MAST2: variants seen among roughly 807,000 people sequenced by gnomAD.
MAST2 encodes the protein microtubule associated serine/threonine kinase 2, also known as microtubule-associated serine/threonine-protein kinase 2.
MAST2 carries 70 observed loss-of-function variants against 147.4 expected under a neutral mutation model. That is an observed-to-expected ratio of 0.47 (90% confidence interval 0.39 to 0.58). The LOEUF (loss-of-function observed/expected upper bound fraction) is 0.58, where lower values mean the gene tolerates loss of function less well. Ranked by LOEUF, MAST2 falls within the 20% of genes least tolerant of loss-of-function variation. The probability of loss-of-function intolerance (pLI) is 0.00; values close to 1 mark genes in which losing one functional copy is unlikely to be tolerated. For synonymous variants in MAST2, 869 were observed against 896.8 expected, an observed-to-expected ratio of 0.97 and a Z score of 0.55; for missense variants, 2,080 against 2,302.3, an observed-to-expected ratio of 0.90 and a Z score of 1.98.
chr1:45,812,766 A>G (rs1365264345), intron 1 of MAST2, among the ~76,000 whole-genome samples: 1 of 152,152 alleles, frequency 6.6e-6, no homozygotes, highest in African/African-American at 2.4e-5. Flanking sequence ...TTTCATTTGG[A>G]TAGCTCAGAG....
rs563060824 is a variant in MAST2, at chr1:45,952,041, G to A, written c.501-7345G>A. 5.3e-5 allele frequency among the ~76,000 whole-genome samples: 8 copies of A among 152,164 alleles called. No homozygotes were observed. The South Asian group carries it at 6.2e-4, about 12-fold the overall frequency. On this transcript the variant is annotated intron_variant, in intron 4 of 28. Transcript: ENST00000361297. Reference sequence around the variant, plus strand: ...AGAGAATATCTTAAAGAACCCTCAAGAATTCACTAAAGTAAAAGAGCTCAG... The same window carrying A: ...AGAGAATATCTTAAAGAACCCTCAAAAATTCACTAAAGTAAAAGAGCTCAG...
At chr1:45,811,765 C>T (rs1301609313) in intron 1 of MAST2, among the ~76,000 whole-genome samples, 1 of 150,658 alleles carries the variant, frequency 6.6e-6, no homozygotes, top group Non-Finnish European at 1.5e-5. Context: ...TCCCGAATAG[C>T]TGGGACTACA....
At chr1:46,029,754 G>T (rs374776024) in intron 19 of MAST2, 77 bp from the exon 20 acceptor site, 1 of 1,560,526 alleles carries the variant, frequency 6.4e-7, no homozygotes. Flanking sequence ...CTGAAGGTCT[G>T]GCTTCTTGCT....
At chr1:45,946,365 A>G (rs966837484) in intron 4 of MAST2, among the ~76,000 whole-genome samples, 5 of 152,164 alleles carry the variant, frequency 3.3e-5, no homozygotes, top group Admixed American at 2.0e-4. Flanking sequence ...CCTGTCATGA[A>G]GGGAACTTGC....
At position 46,022,938 on chromosome 1, in the gene MAST2, T is replaced by C. The variant is rs202053891; in HGVS notation, c.1452T>C (p.Ser484=). The change falls in exon 13 of 29, where the codon AGT becomes AGC. Residue 484 remains serine (S), a synonymous_variant. Transcript: ENST00000361297. ...EEMAQLSSCD[S]PDTPETDDSI... ...TGGCCCAGTTGAGCAGCTGTGACAG[T>C]CCTGACACTCCAGAGACAGATGATT... 3.0e-5 allele frequency: 48 copies of C among 1,614,072 alleles called. No individual in the cohort carries two copies. Among genetic ancestry groups the C allele is most frequent in the Non-Finnish European group, 3.7e-5 (44 of 1,180,026 alleles).
At chr1:46,014,332 C>A (rs1209591210) in intron 10 of MAST2, among the ~76,000 whole-genome samples, 3 of 120,832 alleles carry the variant, frequency 2.5e-5, no homozygotes, top group Non-Finnish European at 3.4e-5. Flanking sequence ...CCCCTCCCCC[C>A]ACCCCACAAC....
intron 3 of MAST2, 65 bp from the exon 4 acceptor site, chr1:45,882,299 T>C: frequency 9.4e-7 from 1 of 1,059,620 alleles, no homozygotes; most frequent in Non-Finnish European, 1.5e-6. Flanking sequence ...TCCTAGGACA[T>C]TTAGGTAGAC....
chr1:45,919,474 A>G (rs1653096883), intron 4 of MAST2, among the ~76,000 whole-genome samples: 1 of 152,234 alleles, frequency 6.6e-6, no homozygotes, highest in African/African-American at 2.4e-5. Context: ...AACCTGAAAA[A>G]CTAAAAGTTT....
At chr1:45,978,933 T>C (rs1360679630) in intron 5 of MAST2, among the ~76,000 whole-genome samples, 1 of 152,188 alleles carries the variant, frequency 6.6e-6, no homozygotes, top group Non-Finnish European at 1.5e-5. Flanking sequence ...TCTGGAATTA[T>C]ATAATGGTTA....
chr1:45,940,692 TCACTGCAATCTCCGCCACCC>T (rs1657124073), intron 4 of MAST2, among the ~76,000 whole-genome samples: 1 of 151,020 alleles, frequency 6.6e-6, no homozygotes, highest in Non-Finnish European at 1.5e-5. Flanking sequence ...CGATCTCGGC[TCACTGCAATCTCCGCCACCC>T]GGGTTCACGC....
chr1:45,964,095 A>C (rs1262150396), intron 5 of MAST2, among the ~76,000 whole-genome samples: 1 of 152,148 alleles, frequency 6.6e-6, no homozygotes, highest in East Asian at 1.9e-4. Flanking sequence ...AAGCTGTTTG[A>C]TGTGCTGCTG....
intron 5 of MAST2, among the ~76,000 whole-genome samples, chr1:45,965,289 T>A (rs1237005006): frequency 3.9e-5 from 6 of 152,342 alleles, no homozygotes; most frequent in African/African-American, 1.4e-4. Context: ...ACTTTCTGTC[T>A]CGCTGATCTG....
intron 3 of MAST2, among the ~76,000 whole-genome samples, chr1:45,848,152 A>T (rs1180878083): frequency 6.6e-6 from 1 of 152,026 alleles, no homozygotes; most frequent in African/African-American, 2.4e-5. Flanking sequence ...GCCTTAAGAG[A>T]TAGCAATGTT....
chr1:45,936,049 T>G (rs1656141626), intron 4 of MAST2, among the ~76,000 whole-genome samples: 1 of 152,250 alleles, frequency 6.6e-6, no homozygotes, highest in Non-Finnish European at 1.5e-5. Context: ...TCCCATTTGT[T>G]TGTGTCATTT....
intron 4 of MAST2, among the ~76,000 whole-genome samples, chr1:45,899,966 T>A (rs2148475216): frequency 6.6e-6 from 1 of 151,616 alleles, no homozygotes; most frequent in East Asian, 1.9e-4. Context: ...GGTCAGGAGT[T>A]CAAGAACAGC....
intron 16 of MAST2, 27 bp from the exon 17 acceptor site, chr1:46,027,704 C>A (rs376901623): frequency 1.0e-5 from 16 of 1,599,582 alleles, no homozygotes; most frequent in African/African-American, 4.0e-5. Flanking sequence ...GGAATAACTT[C>A]TTAATTTTAT....
intron 4 of MAST2, among the ~76,000 whole-genome samples, chr1:45,917,007 G>A (rs564524329): frequency 6.6e-6 from 1 of 152,344 alleles, no homozygotes; most frequent in African/African-American, 2.4e-5. Flanking sequence ...GAACCCAGGA[G>A]GCAGAGGTTG....
At chr1:45,826,685 A>T (rs891696092) in intron 2 of MAST2, among the ~76,000 whole-genome samples, 1 of 151,956 alleles carries the variant, frequency 6.6e-6, no homozygotes, top group African/African-American at 2.4e-5. Flanking sequence ...CTCCATGCTT[A>T]CTATAGCTTA....
chr1:46,029,941 A>G lies in MAST2; in HGVS notation c.2431A>G (p.Ser811Gly). ...IPQLESEDDT[S>G]YFDTRSERYH... ...TCAGTTGGAGTCAGAGGATGATACT[A>G]GCTATTTTGACAGTAAGGCCACCGA... Residue 811 changes from serine to glycine, a missense_variant, in exon 20 of 29, where the codon AGC (serine) becomes GGC (glycine). Physicochemically the swap from Ser to Gly is moderately conservative, Grantham distance 56 (BLOSUM62 0). This residue lies in a region of MAST2 where 1,278 missense variants were observed against 1,304.2 expected (regional missense o/e 0.98). Transcript: ENST00000361297. The G allele has an allele frequency of 6.2e-7, 1 of 1,614,142 alleles. No individual in the cohort carries two copies. Among genetic ancestry groups the G allele is most frequent in the Non-Finnish European group, 8.5e-7 (1 of 1,180,010 alleles).
Sources: allele counts gnomAD v4.1 joint callset (sites outside exome capture counted in the v4.1 genomes callset), GRCh38; gene constraint gnomAD v4.1.1; regional missense constraint gnomAD v4.1.1; transcripts MANE v1.5; gene names NCBI Gene and HGNC (gene_info 2026-07-23, HGNC 2026-07-21).